HS6ST3: variants seen among roughly 807,000 people sequenced by gnomAD.
HS6ST3 encodes heparan sulfate 6-O-sulfotransferase 3.
HS6ST3 carries 12 observed loss-of-function variants against 36.7 expected under a neutral mutation model. The observed-to-expected ratio is 0.33, with a 90% CI of 0.21 to 0.53. The LOEUF is 0.53. Among genes scored for constraint, HS6ST3 ranks in the 20% least tolerant of loss-of-function variants. The pLI is 0.95. For missense variants in HS6ST3, 584 were observed against 640.9 expected, an observed-to-expected ratio of 0.91 and a Z score of 0.96; for synonymous variants, 240 against 257.5, an observed-to-expected ratio of 0.93 and a Z score of 0.65.
At chr13:96,678,015 T>C (rs1164138246) in intron 1 of HS6ST3, among the ~76,000 whole-genome samples, 2 of 152,076 alleles carry the variant, frequency 1.3e-5, no homozygotes, top group African/African-American at 4.8e-5. Flanking sequence ...AATAGAAATG[T>C]ATTGACTCAT....
intron 1 of HS6ST3, among the ~76,000 whole-genome samples, chr13:96,497,179 A>G (rs1353215383): frequency 6.6e-6 from 1 of 152,094 alleles, no homozygotes; most frequent in African/African-American, 2.4e-5. Context: ...AGGACAGGAA[A>G]AGGGAGCCAG....
intron 1 of HS6ST3, among the ~76,000 whole-genome samples, chr13:96,501,308 A>T (rs572402594): frequency 4.6e-5 from 7 of 152,320 alleles, no homozygotes; most frequent in African/African-American, 1.7e-4. Flanking sequence ...AGGAAAGTGG[A>T]GCAAAATGTA....
intron 1 of HS6ST3, among the ~76,000 whole-genome samples, chr13:96,217,701 A>G (rs866509491): frequency 6.6e-6 from 1 of 152,234 alleles, no homozygotes; most frequent in South Asian, 2.1e-4. Flanking sequence ...GTCTAACTTC[A>G]AAATCTATAC....
intron 1 of HS6ST3, among the ~76,000 whole-genome samples, chr13:96,356,803 G>A (rs1393193168): frequency 1.3e-5 from 2 of 152,170 alleles, no homozygotes; most frequent in Non-Finnish European, 2.9e-5. Flanking sequence ...CTTATCTTTT[G>A]AAGCTTTGAA....
chr13:96,668,738 A>ATTTTTTTTTTTTT (rs2056673426), intron 1 of HS6ST3, among the ~76,000 whole-genome samples: 1 of 51,236 alleles, frequency 2.0e-5, no homozygotes, highest in African/African-American at 7.3e-5. Flanking sequence ...TATCAGGTAC[A>ATTTTTTTTTTTTT]TTTGTTGTTA....
At chr13:96,413,240 G>A (rs1645174967) in intron 1 of HS6ST3, among the ~76,000 whole-genome samples, 3 of 152,140 alleles carry the variant, frequency 2.0e-5, no homozygotes, top group Admixed American at 2.0e-4. Flanking sequence ...ACTGCCATGA[G>A]TATTATTTAT....
intron 1 of HS6ST3, among the ~76,000 whole-genome samples, chr13:96,598,830 T>C (rs1472294390): frequency 1.3e-5 from 2 of 152,178 alleles, no homozygotes; most frequent in African/African-American, 2.4e-5. Flanking sequence ...TGGTCTTTAT[T>C]ATTGTGAAGT....
chr13:96,482,110 A>G (rs571113926), intron 1 of HS6ST3, among the ~76,000 whole-genome samples: 1 of 152,206 alleles, frequency 6.6e-6, no homozygotes, highest in Non-Finnish European at 1.5e-5. Flanking sequence ...GCTTATCCTC[A>G]GGTATGTTAT....
At chr13:96,586,948 C>A (rs2056363614) in intron 1 of HS6ST3, among the ~76,000 whole-genome samples, 2 of 152,090 alleles carry the variant, frequency 1.3e-5, no homozygotes, top group South Asian at 2.1e-4. Context: ...AGTCTTCAAT[C>A]CATTTTGAGT....
At chr13:96,535,367 T>C (rs979424514) in intron 1 of HS6ST3, among the ~76,000 whole-genome samples, 3 of 151,828 alleles carry the variant, frequency 2.0e-5, no homozygotes, top group Non-Finnish European at 2.9e-5. Flanking sequence ...CCATCCTGGC[T>C]AACACAGTGA....
Position 96,231,690 on chromosome 13 carries a change from G to A in HS6ST3, c.707+140121G>A, listed in dbSNP as rs118042719. Reference sequence around the variant, plus strand: ...GATTTGGGCAGGGACACAGACCCAAGCCATATCAAGGCCCATGCGCAAAAG... The same window carrying A: ...GATTTGGGCAGGGACACAGACCCAAACCATATCAAGGCCCATGCGCAAAAG... On this transcript the variant is annotated intron_variant, in intron 1 of 1. Coordinates refer to ENST00000376705, the MANE Select transcript of HS6ST3 (RefSeq NM_153456.4). Among the ~76,000 whole-genome samples the A allele has an allele frequency of 7.9e-3, 1,208 of 152,284 alleles. 11 individuals are homozygous for A. Among genetic ancestry groups the A allele is most frequent in the Non-Finnish European group, 0.013 (869 of 68,026 alleles).
At chr13:96,749,896 T>A (rs1876657683) in intron 1 of HS6ST3, among the ~76,000 whole-genome samples, 1 of 152,084 alleles carries the variant, frequency 6.6e-6, no homozygotes, top group Non-Finnish European at 1.5e-5. Context: ...ACTTTTCTAA[T>A]ATTATTATTT....
chr13:96,479,304 G>T (rs1359432576), intron 1 of HS6ST3, among the ~76,000 whole-genome samples: 1 of 152,210 alleles, frequency 6.6e-6, no homozygotes, highest in African/African-American at 2.4e-5. Context: ...TAGTTCCAGA[G>T]AAATCAGGTA....
chr13:96,134,270 CTT>C (rs377101387), intron 1 of HS6ST3, among the ~76,000 whole-genome samples: 91 of 152,154 alleles, frequency 6.0e-4, no homozygotes, highest in African/African-American at 2.2e-3. Context: ...CAGTTACACT[CTT>C]AAATGTCTCA....
At chr13:96,705,502 A>G (rs1176257989) in intron 1 of HS6ST3, among the ~76,000 whole-genome samples, 2 of 152,120 alleles carry the variant, frequency 1.3e-5, no homozygotes, top group Non-Finnish European at 2.9e-5. Flanking sequence ...TGGGTGCTGC[A>G]AAAAGATACT....
intron 1 of HS6ST3, among the ~76,000 whole-genome samples, chr13:96,455,892 C>T (rs1346789753): frequency 2.0e-5 from 3 of 152,114 alleles, no homozygotes; most frequent in Non-Finnish European, 2.9e-5. Context: ...GGTAGCCAGG[C>T]CAGTGGAATT....
chr13:96,311,952 A>AT (rs34625432), intron 1 of HS6ST3, among the ~76,000 whole-genome samples: 3,975 of 150,524 alleles, frequency 0.026, 72 homozygotes, highest in East Asian at 0.054. Flanking sequence ...TATTAAGTTC[A>AT]TTTTTTTTTT....
chr13:96,261,425 G>C (rs1594735910), intron 1 of HS6ST3, among the ~76,000 whole-genome samples: 1 of 152,068 alleles, frequency 6.6e-6, no homozygotes, highest in Admixed American at 6.6e-5. Context: ...ATATGGAACT[G>C]TGAATGAAAA....
intron 1 of HS6ST3, among the ~76,000 whole-genome samples, chr13:96,396,884 A>G (rs1329317540): frequency 6.6e-6 from 1 of 152,188 alleles, no homozygotes; most frequent in South Asian, 2.1e-4. Context: ...AAGTAGATAA[A>G]TAGGATCACC....
Sources: allele counts gnomAD v4.1 joint callset (sites outside exome capture counted in the v4.1 genomes callset), GRCh38; gene constraint gnomAD v4.1.1; transcripts MANE v1.5; gene names NCBI Gene and HGNC (gene_info 2026-07-23, HGNC 2026-07-21).